The following TMEM132D variants were observed in gnomAD, a reference collection of about 807,000 sequenced individuals.
The protein encoded by TMEM132D is mature OL transmembrane protein.
Under a neutral mutation model 62.3 loss-of-function variants are expected in TMEM132D, and 21 were observed. The ratio of observed to expected loss-of-function variants is 0.34; its 90% CI spans 0.24 to 0.49. The LOEUF is 0.49. Ranked by LOEUF, TMEM132D falls within the 20% of genes least tolerant of loss-of-function variation. The pLI is 0.99. For missense variants in TMEM132D, 1,346 were observed against 1,402.8 expected, an observed-to-expected ratio of 0.96 and a Z score of 0.65; for synonymous variants, 621 against 575.6, an observed-to-expected ratio of 1.08 and a Z score of -1.13.
In TMEM132D at chr12:129,216,041, T is replaced by A. The variant is rs1218149606; in HGVS notation, c.1300-6378A>T. On this transcript the variant is annotated intron_variant, in intron 4 of 8. Transcript: ENST00000422113. ...GCTACAATTCAAGATGAGATTTGGG[T>A]GGGGACACAGCCAAACCATATCAGA... Among the ~76,000 whole-genome samples the A allele has an allele frequency of 2.0e-5, 3 of 152,258 alleles. No individual in the cohort carries two copies. The East Asian group carries it at 5.8e-4, about 29-fold the overall frequency.
At chr12:129,147,093 C>T (rs1876921002) in intron 5 of TMEM132D, among the ~76,000 whole-genome samples, 1 of 151,912 alleles carries the variant, frequency 6.6e-6, no homozygotes. Context: ...AGGCACTTGA[C>T]CCAGATTCAA....
intron 8 of TMEM132D, among the ~76,000 whole-genome samples, chr12:129,075,943 G>A (rs1289899412): frequency 6.7e-6 from 1 of 149,432 alleles, no homozygotes; most frequent in Non-Finnish European, 1.5e-5. Context: ...CCCTCTCAGA[G>A]AACCTGCTCC....
intron 4 of TMEM132D, among the ~76,000 whole-genome samples, chr12:129,274,682 C>A (rs1167683116): frequency 2.0e-5 from 3 of 151,944 alleles, no homozygotes; most frequent in Non-Finnish European, 4.4e-5. Context: ...GTCAGGAGAT[C>A]GAGACCATCC....
chr12:129,427,260 G>A (rs1053852754), intron 3 of TMEM132D, among the ~76,000 whole-genome samples: 8 of 152,088 alleles, frequency 5.3e-5, no homozygotes, highest in Non-Finnish European at 1.0e-4. Context: ...TCATAATCAC[G>A]CAGCATCATT....
rs114981931 is a variant in TMEM132D at position 129,286,479 on chromosome 12, T to C, written c.1299+51155A>G. ...TAGGCATGAAAAATTAAGAGCACAG[T>C]ATATGGCTAAATAAATAGAAAGGTA... On this transcript the variant is annotated intron_variant, in intron 4 of 8. Transcript: ENST00000422113. Among the ~76,000 whole-genome samples, 628 of 152,256 alleles carry C rather than the reference T, an allele frequency of 4.1e-3. 5 individuals carry two copies. Among genetic ancestry groups the C allele is most frequent in the African/African-American group, 0.014 (572 of 41,546 alleles).
rs78121579 is a variant in TMEM132D at position 129,414,994 on chromosome 12, A to G, written c.1116-77177T>C. Among the ~76,000 whole-genome samples, 1,013 of 152,326 alleles carry G rather than the reference A, an allele frequency of 6.7e-3. 19 individuals are homozygous for G. Among genetic ancestry groups the G allele is most frequent in the African/African-American group, 0.023 (958 of 41,568 alleles). Reference sequence around the variant, plus strand: ...GTTCATCCATGCTGTCACAAATGACATTTCATTCTCACTTCATGCTGAATA... The same window carrying G: ...GTTCATCCATGCTGTCACAAATGACGTTTCATTCTCACTTCATGCTGAATA... On this transcript the variant is annotated intron_variant, in intron 3 of 8. Coordinates refer to ENST00000422113, the MANE Select transcript of TMEM132D (RefSeq NM_133448.3).
chr12:129,217,514 G>A (rs1404832197), intron 4 of TMEM132D, among the ~76,000 whole-genome samples: 1 of 152,166 alleles, frequency 6.6e-6, no homozygotes, highest in Non-Finnish European at 1.5e-5. Context: ...AGCCTTCCCT[G>A]CCCTGTGCAA....
intron 5 of TMEM132D, among the ~76,000 whole-genome samples, chr12:129,142,896 C>T (rs1468768157): frequency 6.6e-6 from 1 of 152,142 alleles, no homozygotes; most frequent in African/African-American, 2.4e-5. Context: ...CCCATTGGAA[C>T]CCCTTGGGTG....
At chr12:129,269,576 CG>C (rs1880796959) in intron 4 of TMEM132D, among the ~76,000 whole-genome samples, 1 of 152,128 alleles carries the variant, frequency 6.6e-6, no homozygotes, top group African/African-American at 2.4e-5. Context: ...ATGTGAGGTA[CG>C]TTCACGGAGG....
At chr12:129,404,197 G>T (rs181269787) in intron 3 of TMEM132D, among the ~76,000 whole-genome samples, 618 of 151,702 alleles carry the variant, frequency 4.1e-3, no homozygotes, top group Non-Finnish European at 7.3e-3. Context: ...GGGTTATTTA[G>T]TTATTTATTT....
chr12:129,445,811 G>C (rs189336565), intron 3 of TMEM132D, among the ~76,000 whole-genome samples: 17 of 152,272 alleles, frequency 1.1e-4, no homozygotes, highest in Non-Finnish European at 4.4e-5. Context: ...AGGTTCCCAA[G>C]TAGCAGACGC....
chr12:129,814,226 G>A (rs955930424), intron 1 of TMEM132D, among the ~76,000 whole-genome samples: 4 of 151,916 alleles, frequency 2.6e-5, no homozygotes, highest in Non-Finnish European at 5.9e-5. Flanking sequence ...AAACTGAGGA[G>A]AAAAAAGAAT....
At chr12:129,191,751 TAC>T (rs1372330368) in intron 5 of TMEM132D, among the ~76,000 whole-genome samples, 1 of 149,252 alleles carries the variant, frequency 6.7e-6, no homozygotes, top group Non-Finnish European at 1.5e-5. Flanking sequence ...TAATGAACCA[TAC>T]ACACACACAG....
chr12:129,337,540 C>G, intron 4 of TMEM132D, 94 bp downstream of exon 4: 1 of 1,484,498 alleles, frequency 6.7e-7, no homozygotes, highest in Non-Finnish European at 9.2e-7. Flanking sequence ...TTGGCTCCTC[C>G]CCTTTTCCCC....
intron 4 of TMEM132D, among the ~76,000 whole-genome samples, chr12:129,240,425 G>A (rs1761024836): frequency 6.6e-6 from 1 of 152,164 alleles, no homozygotes; most frequent in Non-Finnish European, 1.5e-5. Context: ...TGACGTAGCT[G>A]AAATACAGTA....
intron 2 of TMEM132D, among the ~76,000 whole-genome samples, chr12:129,560,003 T>C (rs1443246113): frequency 1.3e-5 from 2 of 152,254 alleles, no homozygotes; most frequent in Admixed American, 6.5e-5. Flanking sequence ...CCAACAGCTG[T>C]TGAGGCCAGA....
In TMEM132D at chr12:129,636,737, T is replaced by TGTGTGTGTGAGA. The variant is rs375868329; in HGVS notation, c.968+63072_968+63073insTCTCACACACAC. On this transcript the variant is annotated intron_variant, in intron 2 of 8. Coordinates refer to ENST00000422113, the MANE Select transcript of TMEM132D (RefSeq NM_133448.3). ...GTGTGTGTGTGTGTGTGTGTGTGTG[T>TGTGTGTGTGAGA]GAGAGAGAGAGAGAGAGAGACAGAG... is the stretch of plus-strand genomic sequence containing the variant. Among the ~76,000 whole-genome samples, 309 of 113,600 alleles carry TGTGTGTGTGAGA rather than the reference T, an allele frequency of 2.7e-3. 2 individuals are homozygous for TGTGTGTGTGAGA. Among genetic ancestry groups the TGTGTGTGTGAGA allele is most frequent in the Non-Finnish European group, 3.4e-3 (193 of 56,680 alleles). The allele number at this position is 113,600 out of a possible 152,430, so 74.5% of individuals were successfully genotyped here. A position where few individuals can be genotyped will look rare whatever the true frequency, so the allele number is the denominator to read the frequency against.
chr12:129,397,153 C>T (rs1871454951), intron 3 of TMEM132D, among the ~76,000 whole-genome samples: 1 of 152,134 alleles, frequency 6.6e-6, no homozygotes, highest in Non-Finnish European at 1.5e-5. Context: ...GTAGATAGAG[C>T]CCATTTTCTA....
chr12:129,847,079 G>A (rs553226073), intron 1 of TMEM132D, among the ~76,000 whole-genome samples: 2 of 152,318 alleles, frequency 1.3e-5, no homozygotes, highest in African/African-American at 4.8e-5. Flanking sequence ...AGAGTAAGAG[G>A]AGAGATTCTT....
Sources: gnomAD v4.1 joint callset for allele counts (sites outside exome capture counted in the v4.1 genomes callset) on GRCh38, gnomAD v4.1.1 for gene constraint, MANE v1.5 for transcripts, NCBI Gene and HGNC (gene_info 2026-07-23, HGNC 2026-07-21) for gene names.